SLCO2A1: variants seen among roughly 807,000 people sequenced by gnomAD.
SLCO2A1 encodes the protein matrin F/G 1.
SLCO2A1 carries 60 observed loss-of-function variants against 71.7 expected under a neutral mutation model. The ratio of observed to expected loss-of-function variants is 0.84; its 90% CI spans 0.68 to 1.04. SLCO2A1 has a LOEUF of 1.04. SLCO2A1 is among the 50% of genes least tolerant of loss of function. The pLI is 0.00. For synonymous variants in SLCO2A1, 308 were observed against 326.7 expected, an observed-to-expected ratio of 0.94 and a Z score of 0.62; for missense variants, 745 against 813.4, an observed-to-expected ratio of 0.92 and a Z score of 1.02.
chr3:133,998,886 T>C (rs1935039364), intron 1 of SLCO2A1: 1 of 152,334 alleles, frequency 6.6e-6, no homozygotes, highest in Non-Finnish European at 1.5e-5. Flanking sequence ...TCCCCTGGCA[T>C]GGCCGGCTCA....
chr3:133,945,058 G>C, intron 10 of SLCO2A1, 37 bp downstream of exon 10: 1 of 1,584,482 alleles, frequency 6.3e-7, no homozygotes, highest in East Asian at 2.2e-5. Context: ...GAGATCCTGT[G>C]GGGCTCCTCT....
At chr3:134,020,364 G>A (rs992006930) in intron 1 of SLCO2A1, among the ~76,000 whole-genome samples, 1 of 152,194 alleles carries the variant, frequency 6.6e-6, no homozygotes, top group African/African-American at 2.4e-5. Context: ...GGGAAGCGAG[G>A]TGATTGGCGG....
chr3:133,979,280 C>T (rs1006421362), intron 2 of SLCO2A1, among the ~76,000 whole-genome samples: 1 of 152,234 alleles, frequency 6.6e-6, no homozygotes, highest in Non-Finnish European at 1.5e-5. Context: ...CAGCTCAGTA[C>T]CTGGCACAAG....
At position 133,951,193 on chromosome 3, in the gene SLCO2A1, C is replaced by A. The variant is rs780746728; in HGVS notation, c.861+15G>T. The A allele has an allele frequency of 2.0e-5, 33 of 1,614,030 alleles. No homozygotes were observed. In the East Asian group the frequency reaches 2.7e-4, roughly 13 times the overall value. ...CAACTCCATCAGGTAGAGTCATGGG[C>A]TCTTGGAACCTTACCTTTGCTCCTA... is the stretch of plus-strand genomic sequence containing the variant. On this transcript the variant is annotated intron_variant, in intron 6 of 13. Coordinates refer to ENST00000310926, the MANE Select transcript of SLCO2A1 (RefSeq NM_005630.3).
chr3:134,020,249 A>C (rs1013602106), intron 1 of SLCO2A1, among the ~76,000 whole-genome samples: 9 of 152,164 alleles, frequency 5.9e-5, no homozygotes, highest in African/African-American at 2.2e-4. Context: ...TTAAGACAGG[A>C]GTCTTGCCGA....
At chr3:133,990,460 G>C (rs1576449584) in intron 1 of SLCO2A1, among the ~76,000 whole-genome samples, 1 of 152,148 alleles carries the variant, frequency 6.6e-6, no homozygotes, top group Non-Finnish European at 1.5e-5. Flanking sequence ...AAAAAGAAAG[G>C]CTTCAAGAAA....
intron 11 of SLCO2A1, chr3:133,942,276 G>C (rs986790762): frequency 1.1e-5 from 2 of 187,830 alleles, no homozygotes; most frequent in Non-Finnish European, 2.2e-5. Context: ...TCACAGGCAC[G>C]AGCCACCGCG....
At chr3:133,981,987 A>AC (rs1559945192) in intron 1 of SLCO2A1, among the ~76,000 whole-genome samples, 1 of 150,728 alleles carries the variant, frequency 6.6e-6, no homozygotes. Flanking sequence ...AAAAAAAAAA[A>AC]AAAAAAACAA....
chr3:134,000,352 G>A (rs1559953260), intron 1 of SLCO2A1, among the ~76,000 whole-genome samples: 1 of 152,170 alleles, frequency 6.6e-6, no homozygotes, highest in Non-Finnish European at 1.5e-5. Context: ...TCACTGAGGA[G>A]AGGGGTCAGG....
intron 3 of SLCO2A1, among the ~76,000 whole-genome samples, chr3:133,957,117 G>A (rs1183371190): frequency 6.6e-6 from 1 of 152,180 alleles, no homozygotes; most frequent in African/African-American, 2.4e-5. Flanking sequence ...CTGCAACAGT[G>A]GAGCTGAGTC....
chr3:133,955,262 C>T (rs1001917613), intron 3 of SLCO2A1, 69 bp from the exon 4 acceptor site: 121 of 1,399,572 alleles, frequency 8.6e-5, no homozygotes, highest in Non-Finnish European at 1.2e-4. Flanking sequence ...CCTCCAAACC[C>T]GGCCTTTCTC....
chr3:133,938,795 A>C (rs1330294373), intron 11 of SLCO2A1, among the ~76,000 whole-genome samples: 1 of 152,034 alleles, frequency 6.6e-6, no homozygotes, highest in Non-Finnish European at 1.5e-5. Flanking sequence ...TTTTACCTCC[A>C]GGAGATTCTG....
At chr3:133,996,537 T>C (rs1934969920) in intron 1 of SLCO2A1, among the ~76,000 whole-genome samples, 1 of 152,190 alleles carries the variant, frequency 6.6e-6, no homozygotes, top group Admixed American at 6.5e-5. Flanking sequence ...AGCCTCCCGC[T>C]GAACCTCACG....
In SLCO2A1 at chr3:133,987,133, C is replaced by T. The variant is rs1010910254; in HGVS notation, c.97-7515G>A. On this transcript the variant is annotated intron_variant, in intron 1 of 13. Coordinates refer to ENST00000310926, the MANE Select transcript of SLCO2A1 (RefSeq NM_005630.3). ...GTAAACCAAAAATAAAATTCAAAGC[C>T]CCCCCCCCCGCCCCCGCCCCGCCAC... Among the ~76,000 whole-genome samples the T allele has an allele frequency of 1.2e-3, 102 of 82,900 alleles. 1 individual carries two copies. The highest frequency in any genetic ancestry group is 2.6e-4 in the Non-Finnish European group (10 of 38,994). The allele number at this position is 82,900 out of a possible 152,430, so 54.4% of individuals were successfully genotyped here. A position where few individuals can be genotyped will look rare whatever the true frequency, so the allele number is the denominator to read the frequency against.
chr3:134,008,066 A>C (rs2108073197), intron 1 of SLCO2A1, among the ~76,000 whole-genome samples: 1 of 152,320 alleles, frequency 6.6e-6, no homozygotes, highest in East Asian at 1.9e-4. Context: ...CACAGCCTTT[A>C]GAAGGAAGAT....
At chr3:134,004,836 C>T (rs907471601) in intron 1 of SLCO2A1, among the ~76,000 whole-genome samples, 1 of 152,168 alleles carries the variant, frequency 6.6e-6, no homozygotes, top group African/African-American at 2.4e-5. Flanking sequence ...CCTACCAACA[C>T]CTTAAGAAAT....
chr3:133,973,778 C>A lies in SLCO2A1; in HGVS notation c.282G>T (p.Arg94=). 1 of 1,613,918 alleles carries A rather than the reference C, an allele frequency of 6.2e-7. No homozygotes were observed. Among genetic ancestry groups the A allele is most frequent in the Non-Finnish European group, 8.5e-7 (1 of 1,179,978 alleles). The change falls in exon 3 of 14, where the codon CGG becomes CGT. Residue 94 remains arginine (R), a synonymous_variant. Coordinates refer to ENST00000310926, the MANE Select transcript of SLCO2A1 (RefSeq NM_005630.3). ...LIIFVSYFGS[R]VHRPRLIGIG... ...TGCCAATCAGACGTGGACGGTGCAC[C>A]CGGCTGCCAAAGTAGCTGACAAAGA...
At chr3:133,964,690 G>A (rs1934123192) in intron 3 of SLCO2A1, among the ~76,000 whole-genome samples, 1 of 152,224 alleles carries the variant, frequency 6.6e-6, no homozygotes, top group South Asian at 2.1e-4. Context: ...CTAGTTCTGA[G>A]GCTGAGGCTG....
chr3:134,003,290 C>T (rs528808632), intron 1 of SLCO2A1, among the ~76,000 whole-genome samples: 9 of 152,340 alleles, frequency 5.9e-5, no homozygotes, highest in African/African-American at 2.2e-4. Context: ...CCTACCTTTC[C>T]AGCACATGGG....
Sources: allele counts gnomAD v4.1 joint callset (sites outside exome capture counted in the v4.1 genomes callset), GRCh38; gene constraint gnomAD v4.1.1; transcripts MANE v1.5; gene names NCBI Gene and HGNC (gene_info 2026-07-23, HGNC 2026-07-21).